Variants in LCK observed in about 807,000 individuals in gnomAD.
LCK encodes LCK proto-oncogene, Src family tyrosine kinase, also known as tyrosine-protein kinase Lck.
Under a neutral mutation model 64.6 loss-of-function variants are expected in LCK, and 14 were observed. The ratio of observed to expected loss-of-function variants is 0.22; its 90% confidence interval spans 0.14 to 0.34. The LOEUF is 0.34. Ranked by LOEUF, LCK falls within the 10% of genes least tolerant of loss-of-function variation. The probability of loss-of-function intolerance (pLI) is 1.00; values close to 1 mark genes in which losing one functional copy is unlikely to be tolerated. For synonymous variants in LCK, 277 were observed against 263.6 expected (o/e 1.05, Z -0.49); for missense variants, 434 against 668.1 (o/e 0.65, Z 3.86).
chr1:32,274,506 G>A (rs1640194694), intron 2 of LCK, 72 bp downstream of exon 2: 1 of 1,258,438 alleles, frequency 7.9e-7, no homozygotes, highest in Non-Finnish European at 1.1e-6. Context: ...GAAATGACCA[G>A]CACTACAGGC....
chr1:32,274,246 G>C, intron 1 of LCK, 79 bp from the exon 2 acceptor site: 1 of 1,608,902 alleles, frequency 6.2e-7, no homozygotes, highest in Non-Finnish European at 8.5e-7. Context: ...GAACTTTCCA[G>C]GGCAAGGCCC....
chr1:32,281,385 A>G (rs1640454670), intron 12 of LCK, among the ~76,000 whole-genome samples: 1 of 150,828 alleles, frequency 6.6e-6, no homozygotes, highest in Non-Finnish European at 1.5e-5. Context: ...ATTTGAGCCC[A>G]GGAGGTTGAG....
At chr1:32,261,240 ATTTTTT>A (rs533208515) in intron 1 of LCK, among the ~76,000 whole-genome samples, 36 of 106,106 alleles carry the variant, frequency 3.4e-4, no homozygotes, top group South Asian at 1.3e-3. Flanking sequence ...TGCTTGGCTA[ATTTTTT>A]TTTTTTTTTT....
Position 32,275,695 on chromosome 1 carries a change from CG to C in LCK, c.481+26del, listed in dbSNP as rs1640242600. The C allele has an allele frequency of 3.9e-6, 6 of 1,544,526 alleles. No individual in the cohort carries two copies. In the Admixed American group the frequency reaches 7.8e-5, roughly 20 times the overall value. On this transcript the variant is annotated intron_variant, in intron 6 of 12. Transcript: ENST00000336890. This position sits in a 1 kb window ranked among gnomAD's most constrained non-coding sequence, Gnocchi z 6.9. ...CGGGTGAGCGGGCGGCGGTCTCGAC[CG>C]GGCGCGGGGGTGCCCCGGGGTGTGC...
In LCK at chr1:32,285,530, G is replaced by A. The variant is rs748904439; in HGVS notation, c.1344G>A (p.Glu448=). The A allele has an allele frequency of 6.1e-5, 99 of 1,614,084 alleles. 2 individuals are homozygous for A. In the South Asian group the frequency reaches 9.4e-4, roughly 15 times the overall value. ...RIPYPGMTNP[E]VIQNLERGYR... is the part of the protein sequence containing the mutation. ...AACCCGTAGGGATGACCAACCCGGA[G>A]GTGATTCAGAACCTGGAGCGAGGCT... Residue 448 remains glutamate (E), a synonymous_variant, in exon 13 of 13, where the codon GAG becomes GAA. Transcript: ENST00000336890.
At chr1:32,270,738 T>C (rs1199420828) in intron 1 of LCK, among the ~76,000 whole-genome samples, 1 of 109,576 alleles carries the variant, frequency 9.1e-6, no homozygotes, top group Non-Finnish European at 1.8e-5. Flanking sequence ...GGAATCTCAC[T>C]CTGTTGCCAG....
At chr1:32,253,850 GACACAC>G (rs72025731) in intron 1 of LCK, among the ~76,000 whole-genome samples, 2 of 148,558 alleles carry the variant, frequency 1.3e-5, no homozygotes, top group Non-Finnish European at 3.0e-5. Context: ...GCCACACACA[GACACAC>G]ACACACACAC....
Position 32,274,418 on chromosome 1 carries a change from T to G in LCK, c.89T>G (p.Leu30Arg), listed in dbSNP as rs749818114. Reference sequence around the variant, plus strand: ...AACTGCCATTATCCCATAGTCCCACTGGATGGCAAGGGCACGGTAAGAGGC... The same window carrying G: ...AACTGCCATTATCCCATAGTCCCACGGGATGGCAAGGGCACGGTAAGAGGC... ...CENCHYPIVPLDGKGTLLIRN... is the reference protein window; with the variant it reads ...CENCHYPIVPRDGKGTLLIRN... The change falls in exon 2 of 13, where the codon CTG (leucine) becomes CGG (arginine). Residue 30 changes from leucine (L) to arginine (R), a missense_variant. Around this residue, in one of 2 missense-constraint regions of LCK, gnomAD observed 233 missense variants for 291.2 expected, o/e 0.80. Coordinates refer to ENST00000336890, the MANE Select transcript of LCK (RefSeq NM_005356.5). The G allele has an allele frequency of 1.2e-6, 2 of 1,612,884 alleles. No homozygotes were observed.
chr1:32,267,882 G>A (rs144498220), intron 1 of LCK, among the ~76,000 whole-genome samples: 1,691 of 140,976 alleles, frequency 0.012, 27 homozygotes, highest in African/African-American at 0.041. Flanking sequence ...CAACAAGAGC[G>A]AAACTCTGTC....
intron 1 of LCK, among the ~76,000 whole-genome samples, chr1:32,258,245 C>T (rs1186302470): frequency 4.0e-5 from 6 of 149,374 alleles, no homozygotes; most frequent in East Asian, 2.0e-4. Context: ...ATCATGCCAC[C>T]GCACTCCAGC....
intron 1 of LCK, among the ~76,000 whole-genome samples, chr1:32,252,276 C>T (rs1202345971): frequency 6.6e-6 from 1 of 152,166 alleles, no homozygotes; most frequent in Non-Finnish European, 1.5e-5. Flanking sequence ...GGCTCCCTCC[C>T]GCTTCAGCCC....
At chr1:32,261,652 CAAA>C (rs1227702959) in intron 1 of LCK, among the ~76,000 whole-genome samples, 6 of 64,332 alleles carry the variant, frequency 9.3e-5, no homozygotes, top group South Asian at 5.3e-4. Context: ...TCCTCTGTCT[CAAA>C]AAAAAAAAAA....
At chr1:32,273,066 G>T (rs1168630200) in intron 1 of LCK, among the ~76,000 whole-genome samples, 1 of 146,834 alleles carries the variant, frequency 6.8e-6, no homozygotes, top group Non-Finnish European at 1.5e-5. Context: ...GTGGGAGCCT[G>T]TGTGTGTAGG....
Position 32,276,366 on chromosome 1 carries a change from A to G in LCK, c.661A>G (p.Ser221Gly). The change falls in exon 8 of 13, where the codon AGC becomes GGC. Residue 221 changes from serine (S) to glycine (G), a missense_variant. Physicochemically the swap from Ser to Gly is moderately conservative, Grantham distance 56 (BLOSUM62 0). Coordinates refer to ENST00000336890, the MANE Select transcript of LCK (RefSeq NM_005356.5). This position sits in a 1 kb window ranked among gnomAD's most constrained non-coding sequence, Gnocchi z 4.6. ...NASDGLCTRL[S>G]RPCQTQKPQK... ...TTCAGATGGGCTGTGCACACGGTTGAGCCGCCCCTGCCAGACCCAGAAGCC... is the reference window on the plus strand; with the variant it reads ...TTCAGATGGGCTGTGCACACGGTTGGGCCGCCCCTGCCAGACCCAGAAGCC... 1.9e-6 allele frequency: 3 copies of G among 1,609,656 alleles called. No homozygotes were observed. Among genetic ancestry groups the G allele is most frequent in the Non-Finnish European group, 2.5e-6 (3 of 1,178,954 alleles).
At chr1:32,272,145 G>A (rs1443745685) in intron 1 of LCK, among the ~76,000 whole-genome samples, 2 of 151,570 alleles carry the variant, frequency 1.3e-5, no homozygotes, top group African/African-American at 2.4e-5. Context: ...TTAGCCAAGC[G>A]TGATGGTGCA....
In LCK at chr1:32,272,529, C is replaced by T. The variant is rs529538218; in HGVS notation, c.-5-1796C>T. Among the ~76,000 whole-genome samples, 7 of 144,562 alleles carry T rather than the reference C, an allele frequency of 4.8e-5. No individual in the cohort carries two copies. In the South Asian group the frequency reaches 1.1e-3, roughly 23 times the overall value. The allele number at this position is 144,562 out of a possible 152,430, so 94.8% of individuals were successfully genotyped here. A position where few individuals can be genotyped will look rare whatever the true frequency, so the allele number is the denominator to read the frequency against. On this transcript the variant is annotated intron_variant, in intron 1 of 12. Coordinates refer to ENST00000336890, the MANE Select transcript of LCK (RefSeq NM_005356.5). ...GAGCCCAGGAGGTCTAAGGGGATTGCGCCACTGCACTTCAGCCTGGGAGAG... is the reference window on the plus strand; with the variant it reads ...GAGCCCAGGAGGTCTAAGGGGATTGTGCCACTGCACTTCAGCCTGGGAGAG...
intron 12 of LCK, among the ~76,000 whole-genome samples, chr1:32,285,168 G>A (rs868544302): frequency 1.3e-5 from 2 of 152,036 alleles, no homozygotes; most frequent in African/African-American, 4.8e-5. Flanking sequence ...TGGCGTGGTG[G>A]TGCATGCCTG....
At chr1:32,252,688 GA>G (rs1639536722) in intron 1 of LCK, among the ~76,000 whole-genome samples, 1 of 152,204 alleles carries the variant, frequency 6.6e-6, no homozygotes, top group South Asian at 2.1e-4. Flanking sequence ...CCCAGGAACA[GA>G]GGCTCTTCTC....
intron 9 of LCK, among the ~76,000 whole-genome samples, chr1:32,278,366 TCTCA>T (rs1448686802): frequency 1.3e-5 from 2 of 151,728 alleles, no homozygotes; most frequent in African/African-American, 4.8e-5. Flanking sequence ...TTTTTTTGAG[TCTCA>T]CTCTGTCCTC....
Sources: gnomAD v4.1 joint callset for allele counts (sites outside exome capture counted in the v4.1 genomes callset) on GRCh38, gnomAD v4.1.1 for gene constraint, gnomAD v4.1.1 regional missense constraint, Gnocchi (gnomAD v3.1) non-coding constraint, MANE v1.5 for transcripts, NCBI Gene and HGNC (gene_info 2026-07-23, HGNC 2026-07-21) for gene names.